Variants in CCDC73 observed in about 807,000 individuals in gnomAD.
The protein encoded by CCDC73 is coiled-coil domain-containing protein 73.
In CCDC73, 95 loss-of-function variants were observed where a neutral mutation model predicts 116.5. The ratio of observed to expected loss-of-function variants is 0.82; its 90% CI spans 0.69 to 0.97. The LOEUF (loss-of-function observed/expected upper bound fraction) is 0.97, where lower values mean the gene tolerates loss of function less well. Among genes scored for constraint, CCDC73 ranks in the 50% least tolerant of loss-of-function variants. The pLI is 0.00. For synonymous variants in CCDC73, 398 were observed against 401.3 expected (o/e 0.99, Z 0.10); for missense variants, 1,066 against 1,206.8 (o/e 0.88, Z 1.73).
Position 32,635,791 on chromosome 11 carries a change from C to G in CCDC73, c.1090G>C (p.Glu364Gln). 8.1e-7 allele frequency: 1 copy of G among 1,233,352 alleles called. No individual in the cohort carries two copies. Among genetic ancestry groups the G allele is most frequent in the African/African-American group, 1.5e-5 (1 of 64,702 alleles). 76.4% of individuals were successfully genotyped at this position (1,233,352 alleles called of 1,614,324 possible). ...TGAGTTTCTTTAAGGGATGATAATT[C>G]ATTTTTAATCTTATTAATTTCTCCA... is the stretch of plus-strand genomic sequence containing the variant. ...LNGEINKIKNELSSLKETHIK... is the reference protein window; with the variant it reads ...LNGEINKIKNQLSSLKETHIK... Residue 364 changes from glutamate to glutamine, a missense_variant, in exon 14 of 18, where the codon GAA (glutamate) becomes CAA (glutamine). Physicochemically the swap from Glu to Gln is conservative, Grantham distance 29. Coordinates refer to ENST00000335185, the MANE Select transcript of CCDC73 (RefSeq NM_001008391.4).
At chr11:32,667,428 G>A (rs1410694864) in intron 9 of CCDC73, among the ~76,000 whole-genome samples, 1 of 152,186 alleles carries the variant, frequency 6.6e-6, no homozygotes, top group East Asian at 1.9e-4. Flanking sequence ...TGCTAGCAGT[G>A]AGCAATGCTC....
intron 7 of CCDC73, among the ~76,000 whole-genome samples, chr11:32,677,417 AC>A (rs796353917): frequency 3.9e-5 from 6 of 152,222 alleles, no homozygotes; most frequent in African/African-American, 1.4e-4. Flanking sequence ...ATTGATAGCT[AC>A]TTTCTTGGAA....
At chr11:32,774,370 T>C (rs1002585894) in intron 1 of CCDC73, among the ~76,000 whole-genome samples, 5 of 152,208 alleles carry the variant, frequency 3.3e-5, no homozygotes, top group Non-Finnish European at 7.3e-5. Context: ...TGTTAAATCA[T>C]TGTCTATTCT....
chr11:32,813,604 G>A, the CCDC73 span, among the ~76,000 whole-genome samples: 1 of 152,150 alleles, frequency 6.6e-6, no homozygotes, highest in Non-Finnish European at 1.5e-5. Context: ...TATATATCAT[G>A]TGAGGACTGA....
At chr11:32,633,273 C>A (rs977927583) in intron 14 of CCDC73, among the ~76,000 whole-genome samples, 1 of 148,764 alleles carries the variant, frequency 6.7e-6, no homozygotes, top group East Asian at 1.9e-4. Flanking sequence ...AAACAGAGAG[C>A]GAGAGAGAGA....
At chr11:32,737,839 A>G (rs983869078) in intron 2 of CCDC73, among the ~76,000 whole-genome samples, 2 of 150,230 alleles carry the variant, frequency 1.3e-5, no homozygotes, top group Non-Finnish European at 3.0e-5. Flanking sequence ...CCCTAACCCC[A>G]CTCCCACTAC....
chr11:32,663,226 T>C (rs1855947660), intron 9 of CCDC73, among the ~76,000 whole-genome samples: 1 of 152,218 alleles, frequency 6.6e-6, no homozygotes, highest in African/African-American at 2.4e-5. Context: ...AAGAAAGTCA[T>C]TGGTAGCTTG....
At chr11:32,794,934 G>C (rs1850711047), upstream of CCDC73, among the ~76,000 whole-genome samples, 1 of 150,870 alleles carries the variant, frequency 6.6e-6, no homozygotes, top group Admixed American at 6.6e-5. Context: ...GCGCGATCTC[G>C]GCTCACTGCA....
chr11:32,680,235 A>T (rs1006579759), intron 7 of CCDC73: 9 of 152,228 alleles, frequency 5.9e-5, no homozygotes, highest in African/African-American at 2.2e-4. Flanking sequence ...CACTTTAGAG[A>T]TGTAAGAATA....
intron 9 of CCDC73, 34 bp from the exon 10 acceptor site, chr11:32,655,006 T>G (rs748425289): frequency 1.3e-6 from 2 of 1,552,520 alleles, no homozygotes; most frequent in East Asian, 4.6e-5. Flanking sequence ...GAAAATTCAG[T>G]ACACATATTT....
chr11:32,692,780 C>A (rs181457912), intron 6 of CCDC73, among the ~76,000 whole-genome samples: 1 of 152,030 alleles, frequency 6.6e-6, no homozygotes, highest in South Asian at 2.1e-4. Flanking sequence ...TTCATTTTAC[C>A]TAAAGGAAAA....
chr11:32,660,372 T>C (rs1855912339), intron 9 of CCDC73, among the ~76,000 whole-genome samples: 1 of 151,432 alleles, frequency 6.6e-6, no homozygotes, highest in African/African-American at 2.4e-5. Context: ...GCTCCAGGAT[T>C]CTTCCAACCC....
At chr11:32,626,704 C>G (rs1855577453) in intron 14 of CCDC73, among the ~76,000 whole-genome samples, 1 of 152,100 alleles carries the variant, frequency 6.6e-6, no homozygotes, top group Non-Finnish European at 1.5e-5. Flanking sequence ...TTTGACAAAC[C>G]TGACAAAAAG....
At chr11:32,704,391 T>C (rs1324595313) in intron 3 of CCDC73, among the ~76,000 whole-genome samples, 1 of 152,196 alleles carries the variant, frequency 6.6e-6, no homozygotes, top group Non-Finnish European at 1.5e-5. Flanking sequence ...CCAGGACAAG[T>C]ATGCGCACAC....
upstream of CCDC73, among the ~76,000 whole-genome samples, chr11:32,795,777 C>A (rs1850722032): frequency 6.6e-6 from 1 of 151,878 alleles, no homozygotes; most frequent in Admixed American, 6.6e-5. Context: ...GCAACCTCCG[C>A]CTCCCGGGTT....
chr11:32,705,891 C>A (rs917034845), intron 3 of CCDC73, among the ~76,000 whole-genome samples: 2 of 151,824 alleles, frequency 1.3e-5, no homozygotes, highest in Non-Finnish European at 2.9e-5. Flanking sequence ...ACATGGTATG[C>A]CATGATTACA....
chr11:32,664,991 G>A (rs183609896), intron 9 of CCDC73, among the ~76,000 whole-genome samples: 2 of 152,282 alleles, frequency 1.3e-5, no homozygotes, highest in East Asian at 1.9e-4. Flanking sequence ...TTAATCCTGA[G>A]TTCTAATTTG....
At chr11:32,633,823 C>T (rs1855653648) in intron 14 of CCDC73, among the ~76,000 whole-genome samples, 3 of 152,162 alleles carry the variant, frequency 2.0e-5, no homozygotes, top group Admixed American at 2.0e-4. Flanking sequence ...GAATAAACCA[C>T]ATTGTTTGTA....
At chr11:32,812,670 C>CAAA in the CCDC73 span, among the ~76,000 whole-genome samples, 16 of 103,062 alleles carry the variant, frequency 1.6e-4, no homozygotes, top group Admixed American at 2.0e-4. Flanking sequence ...ACTACATCTC[C>CAAA]AAAAAAAAAA....
Sources: allele counts gnomAD v4.1 joint callset (sites outside exome capture counted in the v4.1 genomes callset), GRCh38; gene constraint gnomAD v4.1.1; transcripts MANE v1.5; gene names NCBI Gene and HGNC (gene_info 2026-07-23, HGNC 2026-07-21).